The following RAPGEF4 variants were observed in gnomAD, a reference collection of about 807,000 sequenced individuals.
RAPGEF4 encodes RAP guanine-nucleotide-exchange factor (GEF) 4.
RAPGEF4 carries 66 observed loss-of-function variants against 147.9 expected under a neutral mutation model. That is an observed-to-expected ratio of 0.45 (90% confidence interval 0.37 to 0.55). RAPGEF4 has a LOEUF of 0.55. Among genes scored for constraint, RAPGEF4 ranks in the 20% least tolerant of loss-of-function variants. RAPGEF4 has a pLI of 0.00. For missense variants in RAPGEF4, 1,071 were observed against 1,257.3 expected (o/e 0.85, Z 2.24); for synonymous variants, 419 against 442.7 (o/e 0.95, Z 0.67).
At chr2:173,027,332 C>T (rs1044129883) in intron 25 of RAPGEF4, 73 bp downstream of exon 25, 11 of 1,290,288 alleles carry the variant, frequency 8.5e-6, no homozygotes, top group Non-Finnish European at 1.1e-5. Flanking sequence ...TTAGACTACA[C>T]CTTAAAAAGA....
At chr2:172,756,146 A>T (rs1695754191) in intron 1 of RAPGEF4, among the ~76,000 whole-genome samples, 1 of 152,208 alleles carries the variant, frequency 6.6e-6, no homozygotes, top group South Asian at 2.1e-4. Flanking sequence ...CTCATAACTG[A>T]TTAAGGTTCA....
chr2:172,839,004 G>T (rs1043288360), intron 4 of RAPGEF4, among the ~76,000 whole-genome samples: 10 of 152,016 alleles, frequency 6.6e-5, no homozygotes, highest in African/African-American at 2.2e-4. Context: ...CACCAAACAG[G>T]GAACAGCTTT....
chr2:172,773,341 T>C (rs1447854060), intron 1 of RAPGEF4, among the ~76,000 whole-genome samples: 2 of 152,204 alleles, frequency 1.3e-5, no homozygotes, highest in Non-Finnish European at 2.9e-5. Context: ...ACATATTCGT[T>C]CTTGGACAGC....
At chr2:172,978,876 C>T (rs1315664725) in intron 10 of RAPGEF4, among the ~76,000 whole-genome samples, 3 of 152,130 alleles carry the variant, frequency 2.0e-5, no homozygotes, top group African/African-American at 7.2e-5. Context: ...GTTAAAATAT[C>T]TTTTCTGCCA....
chr2:172,986,711 T>C (rs1020190867), intron 12 of RAPGEF4, among the ~76,000 whole-genome samples: 6 of 151,860 alleles, frequency 4.0e-5, no homozygotes, highest in African/African-American at 1.5e-4. Context: ...TTTTTTTTTT[T>C]GAGACGGAGT....
intron 3 of RAPGEF4, among the ~76,000 whole-genome samples, chr2:172,808,189 G>C (rs2149586671): frequency 6.6e-6 from 1 of 152,186 alleles, no homozygotes; most frequent in East Asian, 1.9e-4. Flanking sequence ...TTTCCATACT[G>C]TTTACTATAT....
At chr2:172,873,908 A>C (rs1219588409) in intron 4 of RAPGEF4, among the ~76,000 whole-genome samples, 1 of 152,264 alleles carries the variant, frequency 6.6e-6, no homozygotes, top group African/African-American at 2.4e-5. Context: ...GGCACTTCTC[A>C]AAAGAAGACA....
intron 11 of RAPGEF4, among the ~76,000 whole-genome samples, chr2:172,984,998 T>C (rs1244207974): frequency 6.6e-6 from 1 of 152,226 alleles, no homozygotes; most frequent in Admixed American, 6.5e-5. Flanking sequence ...CATTTAGGCT[T>C]CATTATTCAG....
intron 28 of RAPGEF4, 102 bp downstream of exon 28, chr2:173,036,314 T>G: frequency 3.2e-6 from 3 of 944,132 alleles, no homozygotes; most frequent in South Asian, 2.9e-5. Context: ...GAATGATCGA[T>G]CCCATCCTTC....
chr2:173,038,634 G>A (rs889053610), intron 29 of RAPGEF4, among the ~76,000 whole-genome samples: 6 of 152,164 alleles, frequency 3.9e-5, no homozygotes, highest in African/African-American at 1.4e-4. Context: ...AATACCTAGT[G>A]CATGCAGGGC....
chr2:172,920,140 T>C (rs1390182616), intron 5 of RAPGEF4, among the ~76,000 whole-genome samples: 3 of 152,330 alleles, frequency 2.0e-5, no homozygotes, highest in Admixed American at 1.3e-4. Flanking sequence ...AACACCCTTA[T>C]TTTCATCACT....
At chr2:172,847,349 T>C (rs564883007) in intron 4 of RAPGEF4, among the ~76,000 whole-genome samples, 1 of 152,150 alleles carries the variant, frequency 6.6e-6, no homozygotes, top group Non-Finnish European at 1.5e-5. Context: ...ATGAAAATGG[T>C]CTTGCGTGGC....
chr2:172,752,723 A>C (rs1263218641), intron 1 of RAPGEF4, among the ~76,000 whole-genome samples: 1 of 152,254 alleles, frequency 6.6e-6, no homozygotes, highest in African/African-American at 2.4e-5. Flanking sequence ...AGAACATACC[A>C]AGAGAACCAT....
At chr2:173,034,717 T>C (rs1378870647) in intron 27 of RAPGEF4, among the ~76,000 whole-genome samples, 1 of 151,716 alleles carries the variant, frequency 6.6e-6, no homozygotes, top group Non-Finnish European at 1.5e-5. Context: ...CTACAAAAAA[T>C]ACAAAAATTA....
At chr2:172,867,461 A>C (rs1694779924) in intron 4 of RAPGEF4, among the ~76,000 whole-genome samples, 1 of 152,188 alleles carries the variant, frequency 6.6e-6, no homozygotes, top group Non-Finnish European at 1.5e-5. Flanking sequence ...GGAATGGAAA[A>C]GGGAATTGAG....
rs138594829 is a variant in RAPGEF4 at position 172,993,012 on chromosome 2, C to G, written c.1490+2087C>G. The stretch of plus-strand genomic sequence containing the variant: ...ATGGATGGACTTAAAATTTAGGAAG[C>G]TGTAGGGCCTCTCCTCAGAAATTAT... On this transcript the variant is annotated intron_variant, in intron 15 of 30. Transcript: ENST00000397081. Among the ~76,000 whole-genome samples the G allele has an allele frequency of 5.6e-4, 85 of 152,226 alleles. 1 individual carries two copies. The highest frequency in any genetic ancestry group is 8.5e-4 in the Admixed American group (13 of 15,290).
chr2:172,849,206 G>A (rs1692551648), intron 4 of RAPGEF4, among the ~76,000 whole-genome samples: 1 of 151,740 alleles, frequency 6.6e-6, no homozygotes, highest in Admixed American at 6.6e-5. Context: ...TTGGTTTACT[G>A]CCAAAACCTT....
intron 3 of RAPGEF4, among the ~76,000 whole-genome samples, chr2:172,800,339 T>A (rs962618750): frequency 1.3e-5 from 2 of 152,076 alleles, no homozygotes; most frequent in Non-Finnish European, 2.9e-5. Context: ...TCCAGCCACA[T>A]GGGAGAAAGA....
At chr2:172,910,390 C>G (rs985547938) in intron 4 of RAPGEF4, among the ~76,000 whole-genome samples, 3 of 152,238 alleles carry the variant, frequency 2.0e-5, no homozygotes, top group African/African-American at 7.2e-5. Flanking sequence ...GATCTTCCAG[C>G]CCTGCTTATT....
Sources: gnomAD v4.1 joint callset for allele counts (sites outside exome capture counted in the v4.1 genomes callset) on GRCh38, gnomAD v4.1.1 for gene constraint, MANE v1.5 for transcripts, NCBI Gene and HGNC (gene_info 2026-07-23, HGNC 2026-07-21) for gene names.